Variants in CSF1R observed in about 807,000 individuals in gnomAD.
The protein encoded by CSF1R is macrophage colony-stimulating factor 1 receptor.
A neutral mutation model predicts 110.0 loss-of-function variants in CSF1R; 40 were observed. The observed-to-expected ratio is 0.36, with a 90% CI of 0.28 to 0.47. The LOEUF (loss-of-function observed/expected upper bound fraction) is 0.47, where lower values mean the gene tolerates loss of function less well. Among genes scored for constraint, CSF1R ranks in the 20% least tolerant of loss-of-function variants. The probability of loss-of-function intolerance (pLI) is 0.99; values close to 1 mark genes in which losing one functional copy is unlikely to be tolerated. For missense variants in CSF1R, 1,052 were observed against 1,253.0 expected (o/e 0.84, Z 2.42); for synonymous variants, 523 against 503.4 (o/e 1.04, Z -0.52).
At chr5:150,095,170 G>C (rs1759185660) in intron 1 of CSF1R, 1 of 621,540 alleles carries the variant, frequency 1.6e-6, no homozygotes, top group Non-Finnish European at 2.7e-6. Flanking sequence ...AAAACTGATA[G>C]ACCCGAAAGG....
chr5:150,105,363 A>ATAT (rs1438004087), intron 1 of CSF1R, among the ~76,000 whole-genome samples: 9 of 88,184 alleles, frequency 1.0e-4, no homozygotes, highest in Admixed American at 2.9e-4. Context: ...AAAAAAAAAA[A>ATAT]ATATATATAT....
chr5:150,087,894 C>G (rs568374969), upstream of CSF1R, among the ~76,000 whole-genome samples: 3 of 152,212 alleles, frequency 2.0e-5, no homozygotes, highest in African/African-American at 7.2e-5. Flanking sequence ...TGCCACCATT[C>G]CTAGCAAATT....
intron 3 of CSF1R, 38 bp downstream of exon 3, chr5:150,080,014 T>C (rs374632154): frequency 1.3e-5 from 21 of 1,593,588 alleles, no homozygotes; most frequent in Non-Finnish European, 7.7e-6. Context: ...CTGTCCCCAC[T>C]CTTCAGGCCT....
rs183846668 is a variant in CSF1R, at chr5:150,054,290, C to T, written c.2763+32G>A. 1.2e-5 allele frequency: 20 copies of T among 1,613,930 alleles called. No homozygotes were observed. The East Asian group carries it at 1.8e-4, about 14-fold the overall frequency. On this transcript the variant is annotated intron_variant, in intron 20 of 20. Coordinates refer to ENST00000675795, the MANE Select transcript of CSF1R (RefSeq NM_001288705.3). The stretch of plus-strand genomic sequence containing the variant: ...TCAGGCCCAGCCCAACGTGCTTTAC[C>T]GGCCACCCACCCCAAGCCTCACCCC...
In CSF1R at chr5:150,080,330, G is replaced by A. The variant is rs138794488; in HGVS notation, c.314C>T (p.Ala105Val). 6.1e-5 allele frequency: 99 copies of A among 1,613,054 alleles called. 1 individual carries two copies. Among genetic ancestry groups the A allele is most frequent in the African/African-American group, 1.9e-4 (14 of 75,066 alleles). ...AAIHLYVKDPARPWNVLAQEV... is the reference protein window; with the variant it reads ...AAIHLYVKDPVRPWNVLAQEV... ...CTGTGCTAGCACGTTCCAGGGCCGG[G>A]CAGGGTCTAGAGTAGAGGAGGGCAC... is the stretch of plus-strand genomic sequence containing the variant. Residue 105 changes from alanine to valine, a missense_variant, in exon 3 of 21, where the codon GCC becomes GTC. This residue lies in a region of CSF1R where 693 missense variants were observed against 735.4 expected (regional missense o/e 0.94). Transcript: ENST00000675795.
chr5:150,101,129 C>T lies in CSF1R; in HGVS notation c.-181+12132G>A, dbSNP rs535836402. Reference sequence around the variant, plus strand: ...CCCCTTGAATCTGGGCTTGGTCGTGCAGGTGCTGCTTTGGCCTATAGAATG... The same window carrying T: ...CCCCTTGAATCTGGGCTTGGTCGTGTAGGTGCTGCTTTGGCCTATAGAATG... On this transcript the variant is annotated intron_variant, in intron 1 of 21. Transcript: ENST00000286301. 4.6e-5 allele frequency among the ~76,000 whole-genome samples: 7 copies of T among 151,694 alleles called. No homozygotes were observed. The South Asian group carries it at 1.3e-3, about 27-fold the overall frequency.
At chr5:150,056,563 C>T (rs1757226754) in intron 16 of CSF1R, among the ~76,000 whole-genome samples, 1 of 152,130 alleles carries the variant, frequency 6.6e-6, no homozygotes, top group African/African-American at 2.4e-5. Flanking sequence ...CCCCCATTAC[C>T]CTGAGCAGCC....
rs767594643 is a variant in CSF1R, at chr5:150,061,473, TC to T, written c.1858+17del. Reference sequence around the variant, plus strand: ...CTACCACCCCCCATCCCTTCCCTCATCCCCTCCCCTCACTCACACTTCAGCA... The same window carrying T: ...CTACCACCCCCCATCCCTTCCCTCATCCCTCCCCTCACTCACACTTCAGCA... On this transcript the variant is annotated intron_variant, in intron 12 of 20. Coordinates refer to ENST00000675795, the MANE Select transcript of CSF1R (RefSeq NM_001288705.3). 2.1e-6 allele frequency: 1 copy of T among 471,490 alleles called. No individual in the cohort carries two copies. Among genetic ancestry groups the T allele is most frequent in the African/African-American group, 2.9e-5 (1 of 34,934 alleles). The allele number at this position is 471,490 out of a possible 1,614,324, so 29.2% of individuals were successfully genotyped here. A position where few individuals can be genotyped will look rare whatever the true frequency, so the allele number is the denominator to read the frequency against.
chr5:150,055,677 A>G (rs938707196), intron 18 of CSF1R, among the ~76,000 whole-genome samples: 9 of 152,262 alleles, frequency 5.9e-5, no homozygotes, highest in African/African-American at 2.2e-4. Context: ...CCTTGTGCCT[A>G]GTCCTCGGGA....
rs763471829 is a variant in CSF1R, at chr5:150,055,223, A to G, written c.2654+14T>C. 89 of 1,611,128 alleles carry G rather than the reference A, an allele frequency of 5.5e-5. 1 individual carries two copies. In the South Asian group the frequency reaches 9.8e-4, roughly 18 times the overall value. The stretch of plus-strand genomic sequence containing the variant: ...TGGGGTGTCCTTTTCCCTCCCTGGG[A>G]TCCCTTCGCTTACATATTCTTTGGG... On this transcript the variant is annotated intron_variant, in intron 19 of 20. Coordinates refer to ENST00000675795, the MANE Select transcript of CSF1R (RefSeq NM_001288705.3).
At chr5:150,089,393 A>G (rs148107410), upstream of CSF1R, among the ~76,000 whole-genome samples, 61 of 152,356 alleles carry the variant, frequency 4.0e-4, no homozygotes, top group African/African-American at 1.3e-3. Flanking sequence ...CAAGATCAAC[A>G]TACGTAACTC....
In CSF1R at chr5:150,092,453, T is replaced by C. The variant is rs931819173; in HGVS notation, c.-180-5846A>G. On this transcript the variant is annotated intron_variant, in intron 1 of 21. Transcript: ENST00000286301. ...TGCCATGTTTTTTTCCTATACCTAC[T>C]GTATTAGTCTGTTCTCATACTGCTA... Among the ~76,000 whole-genome samples, 4 of 152,318 alleles carry C rather than the reference T, an allele frequency of 2.6e-5. No homozygotes were observed. In the East Asian group the frequency reaches 5.8e-4, roughly 22 times the overall value.
chr5:150,089,831 A>G (rs1412630025), upstream of CSF1R, among the ~76,000 whole-genome samples: 1 of 152,242 alleles, frequency 6.6e-6, no homozygotes, highest in African/African-American at 2.4e-5. Context: ...AAGAATAACT[A>G]TATGGATCAA....
At chr5:150,103,804 T>G (rs1044054963) in intron 1 of CSF1R, among the ~76,000 whole-genome samples, 6 of 150,442 alleles carry the variant, frequency 4.0e-5, no homozygotes, top group African/African-American at 7.3e-5. Context: ...AGGAATGGAG[T>G]GGAGATGGGA....
At chr5:150,069,273 G>C (rs1581305188) in intron 9 of CSF1R, among the ~76,000 whole-genome samples, 2 of 152,150 alleles carry the variant, frequency 1.3e-5, no homozygotes, top group African/African-American at 4.8e-5. Context: ...GGATGCTGTG[G>C]GCCTCTGAGA....
chr5:150,112,798 G>A (rs919055792), intron 1 of CSF1R, among the ~76,000 whole-genome samples: 2 of 152,170 alleles, frequency 1.3e-5, no homozygotes, highest in Non-Finnish European at 2.9e-5. Context: ...AGTCAGAGCT[G>A]TCCCATGGCT....
At chr5:150,104,491 C>T (rs547261287) in intron 1 of CSF1R, among the ~76,000 whole-genome samples, 12 of 152,382 alleles carry the variant, frequency 7.9e-5, no homozygotes, top group African/African-American at 1.4e-4. Context: ...TGGGCTCAAC[C>T]GCATCCCAGC....
At position 150,080,157 on chromosome 5, in the gene CSF1R, T is replaced by C. The variant is rs776871942; in HGVS notation, c.487A>G (p.Thr163Ala). The C allele has an allele frequency of 5.3e-5, 85 of 1,613,860 alleles. No homozygotes were observed. Among genetic ancestry groups the C allele is most frequent in the Non-Finnish European group, 7.0e-5 (83 of 1,180,040 alleles). Residue 163 changes from threonine (T) to alanine (A), a missense_variant, in exon 3 of 21, where the codon ACC (threonine) becomes GCC (alanine). Physicochemically the swap from Thr to Ala is moderately conservative, Grantham distance 58 (BLOSUM62 0). Transcript: ENST00000675795. Reference sequence around the variant, plus strand: ...TGAATGAACTTGGCCCTGTGGATGGTGAAGCCATGCCAGGGCGAGAAGGAG... The same window carrying C: ...TGAATGAACTTGGCCCTGTGGATGGCGAAGCCATGCCAGGGCGAGAAGGAG... ...NYSFSPWHGFTIHRAKFIQSQ... is the reference protein window; with the variant it reads ...NYSFSPWHGFAIHRAKFIQSQ...
intron 13 of CSF1R, 28 bp downstream of exon 13, chr5:150,060,834 T>C (rs751088931): frequency 6.6e-7 from 1 of 1,518,030 alleles, no homozygotes; most frequent in Non-Finnish European, 9.0e-7. Flanking sequence ...CCCCAAGACC[T>C]TGGCCCCAGG....
Sources: gnomAD v4.1 joint callset for allele counts (sites outside exome capture counted in the v4.1 genomes callset) on GRCh38, gnomAD v4.1.1 for gene constraint, gnomAD v4.1.1 regional missense constraint, MANE v1.5 for transcripts, NCBI Gene and HGNC (gene_info 2026-07-23, HGNC 2026-07-21) for gene names.